Variants in GLT1D1 observed in about 807,000 individuals in gnomAD.
GLT1D1 encodes the protein glycosyltransferase 1 domain-containing protein 1.
GLT1D1 carries 21 observed loss-of-function variants against 28.7 expected under a neutral mutation model. That is an observed-to-expected ratio of 0.73 (90% CI 0.52 to 1.05). The LOEUF (loss-of-function observed/expected upper bound fraction) is 1.05. Among genes scored for constraint, GLT1D1 ranks in the 50% least tolerant of loss-of-function variants. GLT1D1 has a pLI of 0.00. For missense variants in GLT1D1, 343 were observed against 330.6 expected (o/e 1.04, Z -0.29); for synonymous variants, 147 against 124.8 (o/e 1.18, Z -1.19).
intron 3 of GLT1D1, among the ~76,000 whole-genome samples, chr12:128,894,437 T>C (rs1191347086): frequency 1.3e-5 from 2 of 152,278 alleles, no homozygotes; most frequent in East Asian, 3.9e-4. Context: ...GTTTGCCTGA[T>C]GGTGATTTTT....
At chr12:128,943,880 C>G (rs1191484015) in intron 4 of GLT1D1, among the ~76,000 whole-genome samples, 1 of 152,210 alleles carries the variant, frequency 6.6e-6, no homozygotes, top group East Asian at 1.9e-4. Flanking sequence ...CATTTCTGAT[C>G]ACATATTTTC....
intron 4 of GLT1D1, among the ~76,000 whole-genome samples, chr12:128,938,728 A>G (rs1303637539): frequency 6.6e-6 from 1 of 152,206 alleles, no homozygotes; most frequent in Non-Finnish European, 1.5e-5. Flanking sequence ...GCTCATCAGG[A>G]GTAGCAGCTG....
intron 3 of GLT1D1, among the ~76,000 whole-genome samples, chr12:128,895,657 A>G (rs1258220324): frequency 2.0e-5 from 3 of 151,906 alleles, no homozygotes; most frequent in Admixed American, 1.3e-4. Flanking sequence ...GGGTTTCTCA[A>G]TGTTGGTCAG....
At chr12:128,867,419 G>GAAAAAAAAAAAAAAAAAAGAAAAA (rs1318656397) in intron 1 of GLT1D1, among the ~76,000 whole-genome samples, 6 of 111,802 alleles carry the variant, frequency 5.4e-5, no homozygotes, top group Admixed American at 2.9e-4. Flanking sequence ...AAAAAAAACA[G>GAAAAAAAAAAAAAAAAAAGAAAAA]AAAAAAAAAA....
intron 1 of GLT1D1, among the ~76,000 whole-genome samples, chr12:128,869,684 T>G (rs1956634768): frequency 6.6e-6 from 1 of 152,134 alleles, no homozygotes; most frequent in Non-Finnish European, 1.5e-5. Flanking sequence ...GGCACAGTTT[T>G]AGTGCTCAGC....
intron 1 of GLT1D1, among the ~76,000 whole-genome samples, chr12:128,855,223 T>TAAGAAAA (rs1956185021): frequency 1.2e-5 from 1 of 81,400 alleles, no homozygotes; most frequent in Non-Finnish European, 2.3e-5. Flanking sequence ...AGACTCCATC[T>TAAGAAAA]AAAAAAAAAA....
At position 128,868,720 on chromosome 12, in the gene GLT1D1, C is replaced by T. The variant is rs75090170; in HGVS notation, c.69-7194C>T. On this transcript the variant is annotated intron_variant, in intron 1 of 7. Transcript: ENST00000281703. ...CCAGTGGGGTCTGACCTTGCACTCT[C>T]GCCTAGAAGCATAATGTGAGCCCCA... Among the ~76,000 whole-genome samples the T allele has an allele frequency of 7.5e-3, 1,147 of 152,248 alleles. 9 individuals are homozygous for T. The highest frequency in any genetic ancestry group is 0.026 in the African/African-American group (1,086 of 41,550).
chr12:128,926,166 C>A lies in GLT1D1; in HGVS notation c.376-19160C>A, dbSNP rs1315579509. On this transcript the variant is annotated intron_variant, in intron 4 of 7. Coordinates refer to ENST00000281703, the MANE Select transcript of GLT1D1 (RefSeq NM_144669.3). ...GCCGAGATTGCACCACTGCACTCAGCCTGGACAACAGAGCAAGACTCTGTC... is the reference window on the plus strand; with the variant it reads ...GCCGAGATTGCACCACTGCACTCAGACTGGACAACAGAGCAAGACTCTGTC... 3.3e-5 allele frequency among the ~76,000 whole-genome samples: 5 copies of A among 150,306 alleles called. No individual in the cohort carries two copies. In the East Asian group the frequency reaches 9.7e-4, roughly 29 times the overall value.
intron 1 of GLT1D1, among the ~76,000 whole-genome samples, chr12:128,863,945 C>CA (rs35052910): frequency 0.18 from 10,021 of 54,802 alleles, 1,000 homozygotes; most frequent in Middle Eastern, 0.23. Flanking sequence ...GACTCCATCT[C>CA]AAAAAAAAAA....
intron 4 of GLT1D1, 45 bp from the exon 6 acceptor site, chr12:128,914,888 G>T: frequency 7.4e-7 from 1 of 1,345,430 alleles, no homozygotes; most frequent in Non-Finnish European, 1.0e-6. Context: ...TATTTCAGCA[G>T]TCGCTTCAAA....
intron 6 of GLT1D1, among the ~76,000 whole-genome samples, chr12:128,952,773 C>CTTGTTTTTTTTT (rs1876852186): frequency 1.7e-5 from 1 of 58,936 alleles, no homozygotes; most frequent in African/African-American, 7.9e-5. Flanking sequence ...CCGTGACTGG[C>CTTGTTTTTTTTT]TTTTTTTTTT....
intron 4 of GLT1D1, chr12:128,926,418 G>A (rs911532592): frequency 5.9e-6 from 9 of 1,531,870 alleles, no homozygotes; most frequent in African/African-American, 1.4e-5. Flanking sequence ...ACTTCGACAA[G>A]TTAAGGATCC....
intron 7 of GLT1D1, among the ~76,000 whole-genome samples, chr12:128,959,326 G>A (rs564045519): frequency 2.0e-5 from 3 of 149,188 alleles, no homozygotes; most frequent in Non-Finnish European, 4.4e-5. Context: ...GTGTGGTGAC[G>A]TGTCATGCTT....
intron 1 of GLT1D1, among the ~76,000 whole-genome samples, chr12:128,863,814 C>T (rs1375052776): frequency 3.3e-5 from 5 of 151,914 alleles, no homozygotes; most frequent in Admixed American, 6.6e-5. Flanking sequence ...CACGTGGTGG[C>T]GGGCACCTGC....
At chr12:128,945,461 C>T in intron 5 of GLT1D1, 92 bp downstream of exon 9, 2 of 1,029,424 alleles carry the variant, frequency 1.9e-6, no homozygotes, top group Non-Finnish European at 3.1e-6. Flanking sequence ...GTCCCAGGCA[C>T]TATTCCAAGC....
intron 7 of GLT1D1, among the ~76,000 whole-genome samples, chr12:128,981,767 CTT>C (rs1279381522): frequency 6.6e-6 from 1 of 152,128 alleles, no homozygotes; most frequent in Non-Finnish European, 1.5e-5. Context: ...GCTCAAAATT[CTT>C]TGTTTGCAGT....
intron 7 of GLT1D1, among the ~76,000 whole-genome samples, chr12:128,964,953 G>A (rs1237574235): frequency 6.6e-6 from 1 of 152,200 alleles, no homozygotes; most frequent in East Asian, 1.9e-4. Context: ...AGTGTGAAAG[G>A]TGTGAGGGAA....
intron 2 of GLT1D1, among the ~76,000 whole-genome samples, chr12:128,882,975 T>C (rs1220221072): frequency 2.6e-5 from 4 of 151,590 alleles, no homozygotes; most frequent in Non-Finnish European, 4.4e-5. Context: ...CGCCAGGCTG[T>C]AGTGTAGTGG....
intron 1 of GLT1D1, among the ~76,000 whole-genome samples, chr12:128,865,486 C>T (rs1444225381): frequency 2.0e-5 from 3 of 152,010 alleles, no homozygotes; most frequent in South Asian, 4.1e-4. Context: ...GTCTGCAGTT[C>T]CAAGCAACTA....
Sources: allele counts gnomAD v4.1 joint callset (sites outside exome capture counted in the v4.1 genomes callset), GRCh38; gene constraint gnomAD v4.1.1; transcripts MANE v1.5; gene names NCBI Gene and HGNC (gene_info 2026-07-23, HGNC 2026-07-21).